Variants in OSBPL8 observed in about 807,000 individuals in gnomAD.
The protein encoded by OSBPL8 is oxysterol-binding protein-related protein 8.
OSBPL8 carries 59 observed loss-of-function variants against 125.5 expected under a neutral mutation model. The ratio of observed to expected loss-of-function variants is 0.47; its 90% CI spans 0.38 to 0.58. The LOEUF is 0.58. Among genes scored for constraint, OSBPL8 ranks in the 20% least tolerant of loss-of-function variants. The pLI, the probability that OSBPL8 is intolerant of heterozygous loss-of-function variation, is 0.00. For synonymous variants in OSBPL8, 330 were observed against 338.9 expected, an observed-to-expected ratio of 0.97 and a Z score of 0.29; for missense variants, 758 against 1,047.8, an observed-to-expected ratio of 0.72 and a Z score of 3.82.
intron 14 of OSBPL8, 78 bp from the exon 15 acceptor site, chr12:76,384,428 A>T: frequency 1.3e-6 from 1 of 788,226 alleles, no homozygotes; most frequent in Non-Finnish European, 1.8e-6. Context: ...TAAGCATATT[A>T]TTGTGCCATT....
intron 2 of OSBPL8, among the ~76,000 whole-genome samples, chr12:76,464,309 T>C (rs1384902990): frequency 2.0e-5 from 3 of 152,182 alleles, no homozygotes; most frequent in African/African-American, 7.2e-5. Context: ...GTTTCTCTAA[T>C]TGACTCCATT....
chr12:76,517,864 G>A (rs530291125), intron 1 of OSBPL8, among the ~76,000 whole-genome samples: 1 of 152,252 alleles, frequency 6.6e-6, no homozygotes, highest in Non-Finnish European at 1.5e-5. Flanking sequence ...TGAACTCAGA[G>A]CAAGAGCTCT....
intron 5 of OSBPL8, among the ~76,000 whole-genome samples, 157 bp from the exon 6 acceptor site, chr12:76,402,923 A>C (rs565002504): frequency 4.9e-4 from 74 of 152,352 alleles, no homozygotes; most frequent in African/African-American, 1.7e-3. Flanking sequence ...GTCTTTAAAA[A>C]TGAATCCATG....
At chr12:76,478,267 G>A (rs1386706974) in intron 2 of OSBPL8, among the ~76,000 whole-genome samples, 4 of 151,936 alleles carry the variant, frequency 2.6e-5, no homozygotes, top group Non-Finnish European at 4.4e-5. Context: ...TGTTTTATGT[G>A]GTCTCTGGAA....
chr12:76,549,681 G>A (rs1347908835), intron 1 of OSBPL8, among the ~76,000 whole-genome samples: 2 of 152,116 alleles, frequency 1.3e-5, no homozygotes, highest in African/African-American at 2.4e-5. Flanking sequence ...GATTACAGGC[G>A]TTGATGTATG....
intron 4 of OSBPL8, among the ~76,000 whole-genome samples, chr12:76,435,792 C>T (rs1871375102): frequency 6.6e-6 from 1 of 152,126 alleles, no homozygotes; most frequent in Admixed American, 6.5e-5. Context: ...ACCTAAATCA[C>T]CCTAGTGGGT....
intron 4 of OSBPL8, among the ~76,000 whole-genome samples, chr12:76,415,778 T>A (rs1018159322): frequency 2.6e-5 from 4 of 152,134 alleles, no homozygotes; most frequent in African/African-American, 9.7e-5. Flanking sequence ...GTTAAGGTTT[T>A]AAAAAAACAC....
chr12:76,398,065 C>T (rs1953888795), intron 7 of OSBPL8, among the ~76,000 whole-genome samples, 168 bp from the exon 8 acceptor site: 1 of 152,112 alleles, frequency 6.6e-6, no homozygotes, highest in South Asian at 2.1e-4. Flanking sequence ...ATGAAAATGA[C>T]ATGGCTCTTA....
At chr12:76,519,536 C>T (rs1022146441) in intron 1 of OSBPL8, among the ~76,000 whole-genome samples, 22 of 152,170 alleles carry the variant, frequency 1.4e-4, no homozygotes, top group East Asian at 1.9e-4. Flanking sequence ...TTTACAGCAA[C>T]GCCCCACTCC....
chr12:76,422,764 C>G (rs1259083258), intron 4 of OSBPL8: 1 of 349,588 alleles, frequency 2.9e-6, no homozygotes, highest in Non-Finnish European at 5.8e-6. Flanking sequence ...CCAGCACAAA[C>G]AAAGAACACA....
chr12:76,386,884 C>T (rs1953335454), intron 12 of OSBPL8, among the ~76,000 whole-genome samples: 1 of 152,122 alleles, frequency 6.6e-6, no homozygotes, highest in Non-Finnish European at 1.5e-5. Flanking sequence ...TGATACACTG[C>T]CTGGGTCTTC....
chr12:76,362,990 G>A (rs1017603986), intron 21 of OSBPL8, among the ~76,000 whole-genome samples: 2 of 152,120 alleles, frequency 1.3e-5, no homozygotes, highest in African/African-American at 2.4e-5. Flanking sequence ...TGAAGGACCT[G>A]TTCAAGGATA....
At chr12:76,523,401 T>G (rs1950076028) in intron 1 of OSBPL8, among the ~76,000 whole-genome samples, 1 of 152,126 alleles carries the variant, frequency 6.6e-6, no homozygotes, top group Non-Finnish European at 1.5e-5. Context: ...AAGGGAAAAT[T>G]TAGAGCACTT....
At chr12:76,505,477 A>G (rs1217126423) in intron 1 of OSBPL8, among the ~76,000 whole-genome samples, 1 of 152,144 alleles carries the variant, frequency 6.6e-6, no homozygotes, top group Non-Finnish European at 1.5e-5. Context: ...TGACCTGATA[A>G]TTTTTTAAAA....
At chr12:76,522,259 G>T (rs1354412404) in intron 1 of OSBPL8, among the ~76,000 whole-genome samples, 1 of 149,314 alleles carries the variant, frequency 6.7e-6, no homozygotes, top group Non-Finnish European at 1.5e-5. Flanking sequence ...ACTAGTTCTA[G>T]AACTCAAAGT....
chr12:76,532,614 T>C (rs951804632), intron 1 of OSBPL8, among the ~76,000 whole-genome samples: 1 of 151,942 alleles, frequency 6.6e-6, no homozygotes, highest in East Asian at 1.9e-4. Flanking sequence ...CATTTCCCCT[T>C]CCTCTGTTAA....
At position 76,410,549 on chromosome 12, in the gene OSBPL8, C is replaced by CT. The variant is rs1222472690; in HGVS notation, c.288+14dup. 6.5e-7 allele frequency: 1 copy of CT among 1,545,522 alleles called. No homozygotes were observed. Among genetic ancestry groups the CT allele is most frequent in the Non-Finnish European group, 8.9e-7 (1 of 1,122,130 alleles). On this transcript the variant is annotated intron_variant, in intron 5 of 23. Transcript: ENST00000261183. ...AGAATATGTCATAATCATGTATTTG[C>CT]TTATATATGCTTACCTTGCTCTTTG...
intron 4 of OSBPL8, among the ~76,000 whole-genome samples, chr12:76,415,406 C>T (rs980494026): frequency 8.6e-5 from 13 of 151,932 alleles, no homozygotes; most frequent in African/African-American, 3.1e-4. Flanking sequence ...TGCCACCAGG[C>T]CCAGCTAATT....
chr12:76,437,256 T>C (rs1871576182), intron 4 of OSBPL8, among the ~76,000 whole-genome samples: 2 of 152,240 alleles, frequency 1.3e-5, no homozygotes, highest in African/African-American at 4.8e-5. Flanking sequence ...CTTCCATCCG[T>C]TGTAAATGGG....
Sources: allele counts gnomAD v4.1 joint callset (sites outside exome capture counted in the v4.1 genomes callset), GRCh38; gene constraint gnomAD v4.1.1; transcripts MANE v1.5; gene names NCBI Gene and HGNC (gene_info 2026-07-23, HGNC 2026-07-21).